Variants in SLC22A23 observed in about 807,000 individuals in gnomAD.
SLC22A23 encodes the protein solute carrier family 22 member 23, also known as ion transporter protein.
In SLC22A23, 26 loss-of-function variants were observed where a neutral mutation model predicts 61.0. The observed-to-expected ratio is 0.43, with a 90% CI of 0.31 to 0.59. SLC22A23 has a LOEUF of 0.59. Ranked by LOEUF, SLC22A23 falls within the 20% of genes least tolerant of loss-of-function variation. The pLI is 0.11. For missense variants in SLC22A23, 796 were observed against 934.7 expected (o/e 0.85, Z 1.94); for synonymous variants, 430 against 413.9 (o/e 1.04, Z -0.47).
At position 3,273,065 on chromosome 6, in the gene SLC22A23, T is replaced by G. The variant is rs769296099; in HGVS notation, c.2051A>C (p.Lys684Thr). ...LPEGATANGMKAM is the reference protein window; with the variant it reads ...LPEGATANGMTAM ...GTTCCGCAGGCCGGGCTACATGGCC[T>G]TCATGCCGTTGGCCGTGGCACCCTC... Residue 684 changes from lysine to threonine, a missense_variant, in exon 10 of 10, where the codon AAG becomes ACG. Lys to Thr is a moderately conservative substitution (Grantham distance 78). Coordinates refer to ENST00000406686, the MANE Select transcript of SLC22A23 (RefSeq NM_015482.2). 1.3e-6 allele frequency: 2 copies of G among 1,564,244 alleles called. No individual in the cohort carries two copies. The highest frequency in any genetic ancestry group is 1.7e-6 in the Non-Finnish European group (2 of 1,156,562).
At position 3,317,397 on chromosome 6, in the gene SLC22A23, C is replaced by T. The variant is rs1762703466; in HGVS notation, c.1082+6437G>A. On this transcript the variant is annotated intron_variant, in intron 4 of 9. Coordinates refer to ENST00000406686, the MANE Select transcript of SLC22A23 (RefSeq NM_015482.2). The surrounding 1 kb of genome is among the most constrained non-coding windows in gnomAD (Gnocchi z 4.4). ...AGAGCAGCAGCTCTTGCACCCAGCT[C>T]CCTCTTCCATTCTGGCACCTCCTGC... is the stretch of plus-strand genomic sequence containing the variant. Among the ~76,000 whole-genome samples the T allele has an allele frequency of 6.6e-6, 1 of 152,174 alleles. No homozygotes were observed. Among genetic ancestry groups the T allele is most frequent in the African/African-American group, 2.4e-5 (1 of 41,426 alleles).
chr6:3,298,358 A>G (rs1197718551), intron 4 of SLC22A23, 140 bp from the exon 5 acceptor site: 2 of 925,618 alleles, frequency 2.2e-6, no homozygotes, highest in Non-Finnish European at 3.1e-6. Context: ...CAGGGGAGAT[A>G]AAACTGTGGG....
chr6:3,349,955 C>A (rs1370950707), intron 3 of SLC22A23, among the ~76,000 whole-genome samples: 2 of 152,230 alleles, frequency 1.3e-5, no homozygotes, highest in Non-Finnish European at 2.9e-5. Context: ...TCGCCTTCAT[C>A]CCCTCTTGGG....
At chr6:3,425,165 G>A (rs1325587639) in intron 1 of SLC22A23, among the ~76,000 whole-genome samples, 1 of 151,164 alleles carries the variant, frequency 6.6e-6, no homozygotes, top group Non-Finnish European at 1.5e-5. Flanking sequence ...GTTTTTAAAT[G>A]TTTCCACCAA....
intron 6 of SLC22A23, among the ~76,000 whole-genome samples, chr6:3,288,170 C>T (rs977910062): frequency 6.6e-6 from 1 of 152,198 alleles, no homozygotes; most frequent in Non-Finnish European, 1.5e-5. Context: ...TCAGGGCTCT[C>T]AGGAACCTTT....
intron 3 of SLC22A23, among the ~76,000 whole-genome samples, chr6:3,402,541 G>A (rs1285871783): frequency 7.6e-6 from 1 of 131,214 alleles, no homozygotes; most frequent in African/African-American, 2.9e-5. Context: ...AGTGCACTAG[G>A]CTGCAGCCCA....
intron 2 of SLC22A23, among the ~76,000 whole-genome samples, chr6:3,411,304 GA>G (rs561450728): frequency 9.4e-4 from 143 of 152,228 alleles, no homozygotes; most frequent in African/African-American, 3.3e-3. Context: ...TTTGCCAGGA[GA>G]AAAAAGGGGG....
chr6:3,315,998 C>G (rs1762619435), intron 4 of SLC22A23, among the ~76,000 whole-genome samples: 2 of 152,198 alleles, frequency 1.3e-5, no homozygotes, highest in South Asian at 4.1e-4. Flanking sequence ...AACAGCAGGG[C>G]TCAGCGGCGT....
chr6:3,416,779 G>A (rs1406409329), intron 1 of SLC22A23, among the ~76,000 whole-genome samples: 1 of 152,242 alleles, frequency 6.6e-6, no homozygotes, highest in Non-Finnish European at 1.5e-5. Context: ...TTCTGGTCTG[G>A]ACGCGCAACT....
intron 8 of SLC22A23, 31 bp from the exon 9 acceptor site, chr6:3,284,006 G>A (rs773659347): frequency 6.3e-7 from 1 of 1,582,716 alleles, no homozygotes; most frequent in Non-Finnish European, 8.6e-7. Context: ...GGTGGTGAGG[G>A]AAGAGAGGAA....
chr6:3,415,682 A>C, intron 2 of SLC22A23, 70 bp downstream of exon 2: 1 of 1,111,252 alleles, frequency 9.0e-7, no homozygotes, highest in African/African-American at 1.6e-5. Context: ...AACACTGACT[A>C]TTTTTCTTTA....
intron 9 of SLC22A23, chr6:3,276,684 G>GGT (rs1758939247): frequency 6.6e-6 from 1 of 152,290 alleles, no homozygotes; most frequent in Non-Finnish European, 1.5e-5. Flanking sequence ...AGGCTACCTG[G>GGT]GTAGGGCGCC....
intron 4 of SLC22A23, among the ~76,000 whole-genome samples, chr6:3,316,897 C>A (rs4959805): frequency 0.36 from 55,440 of 151,988 alleles, 10,572 homozygotes; most frequent in East Asian, 0.59. Context: ...CTCAGCCATG[C>A]GCCACCATGC....
At chr6:3,280,396 T>G (rs1759332806) in intron 9 of SLC22A23, among the ~76,000 whole-genome samples, 1 of 151,748 alleles carries the variant, frequency 6.6e-6, no homozygotes, top group African/African-American at 2.4e-5. Flanking sequence ...TGCTCATCGC[T>G]CGCACGCCAC....
At chr6:3,280,904 A>G (rs1006484252) in intron 9 of SLC22A23, among the ~76,000 whole-genome samples, 5 of 152,242 alleles carry the variant, frequency 3.3e-5, no homozygotes, top group Admixed American at 3.3e-4. Flanking sequence ...AGCGGAAGAC[A>G]GATGTCAGGG....
chr6:3,413,264 G>C (rs1177309138), intron 2 of SLC22A23, among the ~76,000 whole-genome samples: 1 of 152,236 alleles, frequency 6.6e-6, no homozygotes, highest in African/African-American at 2.4e-5. Context: ...AAGAGGTGCT[G>C]TGTGGAGGTC....
chr6:3,410,038 C>T lies in SLC22A23; in HGVS notation c.913+150G>A. ...TTTCACGGCATCACCTGAAAAGCCTCTTTCACAACACTTGAGGCCTTTAAT... is the reference window on the plus strand; with the variant it reads ...TTTCACGGCATCACCTGAAAAGCCTTTTTCACAACACTTGAGGCCTTTAAT... On this transcript the variant is annotated intron_variant, in intron 3 of 9. Transcript: ENST00000406686. This position sits in a 1 kb window ranked among gnomAD's most constrained non-coding sequence, Gnocchi z 5.0. The T allele has an allele frequency of 1.1e-6, 1 of 870,452 alleles. No individual in the cohort carries two copies. Among genetic ancestry groups the T allele is most frequent in the Non-Finnish European group, 1.7e-6 (1 of 586,826 alleles). The allele number at this position is 870,452 out of a possible 1,614,324, so 53.9% of individuals were successfully genotyped here.
intron 3 of SLC22A23, among the ~76,000 whole-genome samples, chr6:3,402,181 T>C (rs1373066611): frequency 1.3e-5 from 2 of 152,188 alleles, no homozygotes; most frequent in Admixed American, 6.5e-5. Context: ...TCATTCGGGC[T>C]CTTCTTCCTC....
At chr6:3,422,324 C>T (rs1770194139) in intron 1 of SLC22A23, among the ~76,000 whole-genome samples, 1 of 152,052 alleles carries the variant, frequency 6.6e-6, no homozygotes, top group Non-Finnish European at 1.5e-5. Flanking sequence ...ATAGAAATGG[C>T]AAGAACACAC....
Sources: allele counts gnomAD v4.1 joint callset (sites outside exome capture counted in the v4.1 genomes callset), GRCh38; gene constraint gnomAD v4.1.1; non-coding constraint Gnocchi (gnomAD v3.1); transcripts MANE v1.5; gene names NCBI Gene and HGNC (gene_info 2026-07-23, HGNC 2026-07-21).